PDSS2: variants seen among roughly 807,000 people sequenced by gnomAD.
PDSS2 encodes the protein decaprenyl diphosphate synthase subunit 2, also known as all trans-polyprenyl-diphosphate synthase PDSS2.
A neutral mutation model predicts 44.5 loss-of-function variants in PDSS2; 31 were observed. The observed-to-expected ratio is 0.70, with a 90% CI of 0.52 to 0.94. The LOEUF (loss-of-function observed/expected upper bound fraction) is 0.94. PDSS2 is among the 40% of genes least tolerant of loss of function. PDSS2 has a pLI of 0.00. For missense variants in PDSS2, 452 were observed against 482.2 expected (o/e 0.94, Z 0.59); for synonymous variants, 157 against 180.3 (o/e 0.87, Z 1.03).
intron 6 of PDSS2, among the ~76,000 whole-genome samples, chr6:107,200,599 G>T (rs1319877681): frequency 6.6e-6 from 1 of 152,106 alleles, no homozygotes; most frequent in Non-Finnish European, 1.5e-5. Flanking sequence ...GAGGAGAATG[G>T]ACTGCAACTT....
chr6:107,438,236 T>G (rs1477062694), intron 1 of PDSS2, among the ~76,000 whole-genome samples: 1 of 152,000 alleles, frequency 6.6e-6, no homozygotes, highest in Non-Finnish European at 1.5e-5. Context: ...TGAGATGGAG[T>G]CTCGCTCTGT....
intron 1 of PDSS2, among the ~76,000 whole-genome samples, chr6:107,427,516 C>T (rs1425564250): frequency 3.3e-5 from 5 of 152,224 alleles, no homozygotes; most frequent in African/African-American, 9.7e-5. Flanking sequence ...TGAATTCTAT[C>T]TATCTAAAAG....
At chr6:107,341,076 C>A (rs184307278) in intron 1 of PDSS2, among the ~76,000 whole-genome samples, 7 of 152,222 alleles carry the variant, frequency 4.6e-5, no homozygotes, top group African/African-American at 1.7e-4. Flanking sequence ...CTGGCAGGTG[C>A]TATGTTGTGT....
chr6:107,380,243 T>G (rs1466295074), intron 1 of PDSS2, among the ~76,000 whole-genome samples: 1 of 152,174 alleles, frequency 6.6e-6, no homozygotes, highest in Non-Finnish European at 1.5e-5. Context: ...TACTCTTAAT[T>G]TACTGGAGCT....
intron 1 of PDSS2, among the ~76,000 whole-genome samples, chr6:107,453,709 T>C (rs778750489): frequency 6.6e-6 from 1 of 152,220 alleles, no homozygotes. Context: ...TAGTTTTTAC[T>C]ATTCTAGCTC....
At chr6:107,407,837 T>C (rs1780370139) in intron 1 of PDSS2, among the ~76,000 whole-genome samples, 1 of 151,650 alleles carries the variant, frequency 6.6e-6, no homozygotes, top group Admixed American at 6.6e-5. Flanking sequence ...GTAGGTGGGA[T>C]TACAGGTGCC....
At chr6:107,432,657 C>T (rs1781227643) in intron 1 of PDSS2, among the ~76,000 whole-genome samples, 1 of 152,090 alleles carries the variant, frequency 6.6e-6, no homozygotes, top group African/African-American at 2.4e-5. Context: ...ACGCCTGTGG[C>T]TGAGGCATGA....
At chr6:107,286,823 G>A (rs1349518434) in intron 2 of PDSS2, among the ~76,000 whole-genome samples, 5 of 152,014 alleles carry the variant, frequency 3.3e-5, no homozygotes, top group Non-Finnish European at 5.9e-5. Flanking sequence ...GGTGGATCAT[G>A]AGGTCAAAAG....
In PDSS2 at chr6:107,253,258, C is replaced by T. The variant is rs188949295; in HGVS notation, c.631-7639G>A. ...TTCACCACACTGGCCAGGCTGGTCT[C>T]GAACTCCTGATCTCATGATCCGCCC... On this transcript the variant is annotated intron_variant, in intron 3 of 7. Coordinates refer to ENST00000369037, the MANE Select transcript of PDSS2 (RefSeq NM_020381.4). 3.6e-4 allele frequency among the ~76,000 whole-genome samples: 55 copies of T among 152,216 alleles called. 1 individual carries two copies. The East Asian group carries it at 0.01, about 28-fold the overall frequency.
chr6:107,330,929 A>G (rs1379221366), intron 2 of PDSS2, among the ~76,000 whole-genome samples: 1 of 152,182 alleles, frequency 6.6e-6, no homozygotes, highest in African/African-American at 2.4e-5. Flanking sequence ...AGTTCACTAG[A>G]CATCCACAGC....
intron 4 of PDSS2, among the ~76,000 whole-genome samples, chr6:107,218,325 T>C (rs1582801962): frequency 4.6e-5 from 7 of 152,176 alleles, no homozygotes; most frequent in Admixed American, 3.9e-4. Flanking sequence ...ACTCTAGGCA[T>C]CACCTCCTAG....
chr6:107,432,779 C>CA (rs35835816), intron 1 of PDSS2, among the ~76,000 whole-genome samples: 9 of 140,416 alleles, frequency 6.4e-5, no homozygotes, highest in Non-Finnish European at 1.1e-4. Context: ...CAAAAACAAA[C>CA]AAAAAAAATC....
intron 7 of PDSS2, among the ~76,000 whole-genome samples, chr6:107,165,955 G>A (rs1771329150): frequency 2.6e-5 from 4 of 151,566 alleles, no homozygotes; most frequent in South Asian, 2.1e-4. Context: ...CTCATGATTT[G>A]GCTCTCTGTT....
intron 1 of PDSS2, 133 bp downstream of exon 1, chr6:107,458,856 AG>A (rs1782143882): frequency 1.3e-6 from 1 of 748,490 alleles, no homozygotes. Context: ...AATGTCTAGG[AG>A]GAGTGAGTAA....
intron 4 of PDSS2, among the ~76,000 whole-genome samples, chr6:107,239,435 G>T (rs1477328044): frequency 6.6e-6 from 1 of 152,140 alleles, no homozygotes; most frequent in Non-Finnish European, 1.5e-5. Context: ...AAATGATTAT[G>T]CTGGGAAGTA....
At chr6:107,159,843 T>C (rs1771059050) in intron 7 of PDSS2, among the ~76,000 whole-genome samples, 1 of 152,204 alleles carries the variant, frequency 6.6e-6, no homozygotes, top group Non-Finnish European at 1.5e-5. Flanking sequence ...AGATAAGATG[T>C]TTAATTTATG....
intron 2 of PDSS2, among the ~76,000 whole-genome samples, chr6:107,291,547 G>C (rs1414125113): frequency 1.1e-5 from 1 of 93,614 alleles, no homozygotes. Flanking sequence ...TTTTTAAGTA[G>C]AGACGGGGGG....
intron 1 of PDSS2, among the ~76,000 whole-genome samples, chr6:107,373,161 T>C (rs1779178781): frequency 6.6e-6 from 1 of 151,982 alleles, no homozygotes; most frequent in Non-Finnish European, 1.5e-5. Flanking sequence ...TTTTTGTATT[T>C]TTAGTAGAGA....
chr6:107,177,574 A>G (rs1309491715), intron 7 of PDSS2, among the ~76,000 whole-genome samples: 1 of 152,224 alleles, frequency 6.6e-6, no homozygotes, highest in African/African-American at 2.4e-5. Flanking sequence ...TGTCTTCCAA[A>G]GGAATATTTG....
Sources: gnomAD v4.1 joint callset for allele counts (sites outside exome capture counted in the v4.1 genomes callset) on GRCh38, gnomAD v4.1.1 for gene constraint, MANE v1.5 for transcripts, NCBI Gene and HGNC (gene_info 2026-07-23, HGNC 2026-07-21) for gene names.